RSBN1: variants seen among roughly 807,000 people sequenced by gnomAD.
RSBN1 encodes lysine-specific demethylase 9.
Under a neutral mutation model 74.8 loss-of-function variants are expected in RSBN1, and 23 were observed. The ratio of observed to expected loss-of-function variants is 0.31; its 90% CI spans 0.22 to 0.44. The LOEUF (loss-of-function observed/expected upper bound fraction) is 0.44. RSBN1 is among the 20% of genes least tolerant of loss of function. RSBN1 has a pLI of 1.00. For missense variants in RSBN1, 808 were observed against 1,020.9 expected, an observed-to-expected ratio of 0.79 and a Z score of 2.84; for synonymous variants, 407 against 379.6, an observed-to-expected ratio of 1.07 and a Z score of -0.84.
At chr1:113,792,790 C>A (rs149334077) in intron 2 of RSBN1, among the ~76,000 whole-genome samples, 2 of 151,264 alleles carry the variant, frequency 1.3e-5, no homozygotes, top group Non-Finnish European at 2.9e-5. Flanking sequence ...CAGAGCGAGA[C>A]CTCATCAAAG....
chr1:113,768,791 G>A (rs1659832744), intron 4 of RSBN1, among the ~76,000 whole-genome samples: 1 of 151,838 alleles, frequency 6.6e-6, no homozygotes, highest in Non-Finnish European at 1.5e-5. Context: ...CTATAATTAA[G>A]CATTAATCAG....
In RSBN1 at chr1:113,811,653, G is replaced by A. The variant is rs1022988416; in HGVS notation, c.703+57C>T. ...GGCGTCTTTCAGTCCTAAAGATGCG[G>A]GATATCGGAACTGAGAGAGACCTAG... On this transcript the variant is annotated intron_variant, in intron 1 of 6. Coordinates refer to ENST00000261441, the MANE Select transcript of RSBN1 (RefSeq NM_018364.5). 9.9e-6 allele frequency: 15 copies of A among 1,517,916 alleles called. No individual in the cohort carries two copies. The African/African-American group carries it at 1.7e-4, about 17-fold the overall frequency. The allele number at this position is 1,517,916 out of a possible 1,614,324, so 94.0% of individuals were successfully genotyped here.
chr1:113,767,788 G>C (rs949160657), intron 5 of RSBN1, among the ~76,000 whole-genome samples: 1 of 152,186 alleles, frequency 6.6e-6, no homozygotes, highest in Non-Finnish European at 1.5e-5. Flanking sequence ...TTATTATTCA[G>C]CCTAAAAAGG....
chr1:113,806,475 G>T (rs1434780940), intron 1 of RSBN1, among the ~76,000 whole-genome samples: 2 of 152,102 alleles, frequency 1.3e-5, no homozygotes, highest in African/African-American at 4.8e-5. Flanking sequence ...AAAAAAAATG[G>T]CGACCTAAAC....
In RSBN1 at chr1:113,763,877, G is replaced by A. The variant is rs950523559; in HGVS notation, c.*2103C>T. On this transcript the variant is annotated 3_prime_UTR_variant, in exon 7 of 7. Transcript: ENST00000261441. ...TTAGCAATGACCAGCTTGGATGACAGATGGCATCTGCTGGATGGCAAGTGG... is the reference window on the plus strand; with the variant it reads ...TTAGCAATGACCAGCTTGGATGACAAATGGCATCTGCTGGATGGCAAGTGG... The A allele has an allele frequency of 1.3e-5, 2 of 152,616 alleles. No individual in the cohort carries two copies. The highest frequency in any genetic ancestry group is 4.8e-5 in the African/African-American group (2 of 41,400). 9.5% of individuals were successfully genotyped at this position (152,616 alleles called of 1,614,324 possible). A position where few individuals can be genotyped will look rare whatever the true frequency, so the allele number is the denominator to read the frequency against.
At chr1:113,767,258 T>A in intron 5 of RSBN1, 51 bp from the exon 6 acceptor site, 1 of 1,060,958 alleles carries the variant, frequency 9.4e-7, no homozygotes, top group Non-Finnish European at 1.4e-6. Context: ...CAATGAAAAA[T>A]GATGACAAAT....
intron 4 of RSBN1, among the ~76,000 whole-genome samples, chr1:113,769,146 G>A (rs10858018): frequency 0.23 from 35,343 of 151,780 alleles, 5,043 homozygotes; most frequent in East Asian, 0.61. Context: ...TTGTACTCTC[G>A]GACCAATAAA....
intron 1 of RSBN1, among the ~76,000 whole-genome samples, chr1:113,800,925 T>C (rs1660571547): frequency 6.6e-6 from 1 of 151,052 alleles, no homozygotes; most frequent in Non-Finnish European, 1.5e-5. Flanking sequence ...ATCAACATGA[T>C]AAAAATTTTA....
intron 1 of RSBN1, among the ~76,000 whole-genome samples, chr1:113,799,573 C>A (rs1056152398): frequency 2.2e-4 from 14 of 62,894 alleles, no homozygotes; most frequent in Admixed American, 1.5e-3. Context: ...TTTACACACA[C>A]ACACACACAC....
In RSBN1 at chr1:113,766,490, A is replaced by G. The variant is rs1659784218; in HGVS notation, c.1936-37T>C. On this transcript the variant is annotated intron_variant, in intron 6 of 6. Coordinates refer to ENST00000261441, the MANE Select transcript of RSBN1 (RefSeq NM_018364.5). Reference sequence around the variant, plus strand: ...AAAAAGTTACGTGAGACTTTAAAATATGTAATAATTTAGTCAAGTGAAATA... The same window carrying G: ...AAAAAGTTACGTGAGACTTTAAAATGTGTAATAATTTAGTCAAGTGAAATA... 6 of 1,339,290 alleles carry G rather than the reference A, an allele frequency of 4.5e-6. No individual in the cohort carries two copies. The Admixed American group carries it at 5.9e-5, about 13-fold the overall frequency. 83.0% of individuals were successfully genotyped at this position (1,339,290 alleles called of 1,614,324 possible). A position where few individuals can be genotyped will look rare whatever the true frequency, so the allele number is the denominator to read the frequency against.
Position 113,811,733 on chromosome 1 carries a change from G to A in RSBN1, c.680C>T (p.Pro227Leu), listed in dbSNP as rs373849296. The change falls in exon 1 of 7, where the codon CCT (proline) becomes CTT (leucine). Residue 227 changes from proline to leucine, a missense_variant. Coordinates refer to ENST00000261441, the MANE Select transcript of RSBN1 (RefSeq NM_018364.5). ...QENGERTGGV[P>L]LIKAPKRETP... ...ACCTCTCTTGGGGGCTTTGATCAGA[G>A]GCACCCCTCCAGTCCTCTCGCCGTT... 1.4e-5 allele frequency: 23 copies of A among 1,605,144 alleles called. No individual in the cohort carries two copies. Among genetic ancestry groups the A allele is most frequent in the Non-Finnish European group, 1.9e-5 (22 of 1,174,774 alleles).
In RSBN1 at chr1:113,765,041, A is replaced by T. The variant is rs955158697; in HGVS notation, c.*939T>A. ...AGTGTCTCAGTAGTAGATATTTATCATGAAGAGGTTGATGCCAAGTGACAA... is the reference window on the plus strand; with the variant it reads ...AGTGTCTCAGTAGTAGATATTTATCTTGAAGAGGTTGATGCCAAGTGACAA... On this transcript the variant is annotated 3_prime_UTR_variant, in exon 7 of 7. Coordinates refer to ENST00000261441, the MANE Select transcript of RSBN1 (RefSeq NM_018364.5). 2 of 152,324 alleles carry T rather than the reference A, an allele frequency of 1.3e-5. No individual in the cohort carries two copies. The highest frequency in any genetic ancestry group is 2.9e-5 in the Non-Finnish European group (2 of 68,012). 9.4% of individuals were successfully genotyped at this position (152,324 alleles called of 1,614,324 possible). A position where few individuals can be genotyped will look rare whatever the true frequency, so the allele number is the denominator to read the frequency against.
In RSBN1 at chr1:113,811,978, A is replaced by C; in HGVS notation, c.435T>G (p.Pro145=). ...CGGGTGCCAGCGAAGGTGGCGGCGG[A>C]GGCGGCAGGAGAAGAGGCTCAACAG... ...PGPVEPLLLP[P]PPPPSLAPAG... The change falls in exon 1 of 7, where the codon CCT becomes CCG. Residue 145 remains proline (P), a synonymous_variant. Transcript: ENST00000261441. 1 of 1,566,170 alleles carries C rather than the reference A, an allele frequency of 6.4e-7. No individual in the cohort carries two copies. Among genetic ancestry groups the C allele is most frequent in the Non-Finnish European group, 8.7e-7 (1 of 1,155,558 alleles).
chr1:113,792,934 G>A (rs1272205293), intron 2 of RSBN1, among the ~76,000 whole-genome samples: 3 of 152,078 alleles, frequency 2.0e-5, no homozygotes, highest in Non-Finnish European at 4.4e-5. Flanking sequence ...TGTTTCAATG[G>A]ACATATAAAT....
chr1:113,803,637 T>C (rs1050623220), intron 1 of RSBN1, among the ~76,000 whole-genome samples: 13 of 152,188 alleles, frequency 8.5e-5, no homozygotes, highest in African/African-American at 3.1e-4. Context: ...ACATCATAAC[T>C]ACTATTATTG....
intron 2 of RSBN1, among the ~76,000 whole-genome samples, chr1:113,779,438 C>A (rs147412355): frequency 5.3e-5 from 8 of 152,062 alleles, no homozygotes; most frequent in Non-Finnish European, 1.0e-4. Flanking sequence ...AATCCTCCCC[C>A]CAAGATCACT....
intron 2 of RSBN1, among the ~76,000 whole-genome samples, chr1:113,782,802 G>C (rs1660164172): frequency 6.6e-6 from 1 of 152,106 alleles, no homozygotes; most frequent in Admixed American, 6.6e-5. Flanking sequence ...ATCCTCACCA[G>C]CATTTATTTT....
intron 2 of RSBN1, chr1:113,796,127 T>G (rs934405060): frequency 3.3e-5 from 5 of 151,932 alleles, no homozygotes; most frequent in African/African-American, 9.7e-5. Flanking sequence ...AGGGCAAAAC[T>G]TAAAAAAAAA....
chr1:113,806,937 CCA>C (rs1324106708), intron 1 of RSBN1, among the ~76,000 whole-genome samples: 2 of 151,774 alleles, frequency 1.3e-5, no homozygotes, highest in African/African-American at 4.8e-5. Context: ...CACTTGAGCC[CCA>C]GAGGTTGAGG....
Sources: allele counts gnomAD v4.1 joint callset (sites outside exome capture counted in the v4.1 genomes callset), GRCh38; gene constraint gnomAD v4.1.1; transcripts MANE v1.5; gene names NCBI Gene and HGNC (gene_info 2026-07-23, HGNC 2026-07-21).